The following DNAH10 variants were observed in gnomAD, a reference collection of about 807,000 sequenced individuals.
DNAH10 encodes the protein dynein axonemal heavy chain 10.
In DNAH10, 348 loss-of-function variants were observed where a neutral mutation model predicts 506.6. That is an observed-to-expected ratio of 0.69 (90% CI 0.63 to 0.75). The LOEUF is 0.75. Among genes scored for constraint, DNAH10 ranks in the 30% least tolerant of loss-of-function variants. The probability of loss-of-function intolerance (pLI) is 0.00; values close to 1 mark genes in which losing one functional copy is unlikely to be tolerated. For synonymous variants in DNAH10, 2,059 were observed against 2,198.6 expected (o/e 0.94, Z 1.78); for missense variants, 5,179 against 5,787.1 (o/e 0.89, Z 3.41).
In DNAH10 at chr12:123,890,450, A is replaced by C. The variant is rs185868578; in HGVS notation, c.8996-2783A>C. ...CACAACCAGCTGATTAAAAAAAAAAAAACACACTTTTTTTTTTAAGAGGTG... is the reference window on the plus strand; with the variant it reads ...CACAACCAGCTGATTAAAAAAAAAACAACACACTTTTTTTTTTAAGAGGTG... On this transcript the variant is annotated intron_variant, in intron 52 of 78. Transcript: ENST00000673944. Among the ~76,000 whole-genome samples the C allele has an allele frequency of 3.9e-3, 598 of 151,464 alleles. 2 individuals carry two copies. The highest frequency in any genetic ancestry group is 0.01 in the Middle Eastern group (3 of 288).
At chr12:123,874,829 G>A (rs974372647) in intron 46 of DNAH10, among the ~76,000 whole-genome samples, 1 of 151,774 alleles carries the variant, frequency 6.6e-6, no homozygotes, top group African/African-American at 2.4e-5. Context: ...CACACCCCCT[G>A]GGTGGCACTG....
chr12:123,927,009 G>A, intron 69 of DNAH10, 189 bp downstream of exon 69: 1 of 654,664 alleles, frequency 1.5e-6, no homozygotes, highest in South Asian at 2.1e-5. Flanking sequence ...ACCTCATGTT[G>A]TGATCATGGT....
chr12:123,765,792 T>G (rs1379504332), intron 1 of DNAH10, among the ~76,000 whole-genome samples: 1 of 151,514 alleles, frequency 6.6e-6, no homozygotes, highest in African/African-American at 2.4e-5. Context: ...TATCTCTGTC[T>G]ATACATCTAT....
chr12:123,890,782 C>G (rs1003820393), intron 52 of DNAH10, among the ~76,000 whole-genome samples: 2 of 152,066 alleles, frequency 1.3e-5, no homozygotes, highest in Admixed American at 6.6e-5. Flanking sequence ...GCAGAGCCAA[C>G]GGGACTTCGA....
At chr12:123,786,855 AGGCCGGGTGC>A (rs1957874940) in intron 9 of DNAH10, among the ~76,000 whole-genome samples, 1 of 152,124 alleles carries the variant, frequency 6.6e-6, no homozygotes, top group Non-Finnish European at 1.5e-5. Flanking sequence ...TATATAGATG[AGGCCGGGTGC>A]GGTGGCTCAC....
rs753550194 is a variant in DNAH10 at position 123,888,112 on chromosome 12, G to C, written c.8995+799G>C. 2.0e-5 allele frequency among the ~76,000 whole-genome samples: 3 copies of C among 152,202 alleles called. No homozygotes were observed. The East Asian group carries it at 5.8e-4, about 29-fold the overall frequency. On this transcript the variant is annotated intron_variant, in intron 52 of 78. Transcript: ENST00000673944. ...CTGTAGTTCCAGCTACTCAGGAGGG[G>C]CAGGAGGATTGCTTGAGCCTGGGAG... is the stretch of plus-strand genomic sequence containing the variant.
intron 52 of DNAH10, among the ~76,000 whole-genome samples, chr12:123,890,853 C>T (rs370787119): frequency 9.2e-5 from 14 of 152,138 alleles, no homozygotes; most frequent in Admixed American, 2.0e-4. Context: ...TCTGGTGGAG[C>T]GAGTGATCAG....
At chr12:123,824,155 C>A (rs1294878858) in intron 24 of DNAH10, among the ~76,000 whole-genome samples, 2 of 152,048 alleles carry the variant, frequency 1.3e-5, no homozygotes, top group African/African-American at 4.8e-5. Context: ...GATTCTGGAT[C>A]TGGTTTGCAG....
In DNAH10 at chr12:123,925,100, TAAC is replaced by T. The variant is rs748983243; in HGVS notation, c.11822_11824del (p.Asn3941del). On this transcript the variant is annotated inframe_deletion, in exon 68 of 79. Transcript: ENST00000673944. This position sits in a 1 kb window ranked among gnomAD's most constrained non-coding sequence, Gnocchi z 4.0. Reference sequence around the variant, plus strand: ...AGTTTCCCGTCCCCTTGGGTTACGATAACAACATCACCCCTTTCCAGAAGTTGC... The same window carrying T: ...AGTTTCCCGTCCCCTTGGGTTACGATAACATCACCCCTTTCCAGAAGTTGC... The T allele has an allele frequency of 9.9e-6, 16 of 1,614,048 alleles. No individual in the cohort carries two copies. Among genetic ancestry groups the T allele is most frequent in the Non-Finnish European group, 1.2e-5 (14 of 1,179,890 alleles).
intron 51 of DNAH10, among the ~76,000 whole-genome samples, chr12:123,884,761 AT>A (rs1952659025): frequency 6.6e-6 from 1 of 152,314 alleles, no homozygotes; most frequent in African/African-American, 2.4e-5. Flanking sequence ...CACTATTGTT[AT>A]GGACTCACTC....
At chr12:123,869,017 G>A (rs1594241890) in intron 43 of DNAH10, among the ~76,000 whole-genome samples, 1 of 152,146 alleles carries the variant, frequency 6.6e-6, no homozygotes, top group South Asian at 2.1e-4. Flanking sequence ...TCCCTCATTT[G>A]CCCTCATCTT....
At chr12:123,921,041 G>A (rs1343193263) in intron 65 of DNAH10, among the ~76,000 whole-genome samples, 1 of 152,076 alleles carries the variant, frequency 6.6e-6, no homozygotes, top group African/African-American at 2.4e-5. Context: ...CCAAAGTGCT[G>A]GGATTAGAAG....
chr12:123,806,464 G>T (rs1212319641), intron 18 of DNAH10, among the ~76,000 whole-genome samples: 1 of 152,156 alleles, frequency 6.6e-6, no homozygotes, highest in Non-Finnish European at 1.5e-5. Context: ...AATGGTGTCT[G>T]ATTAGTGTCT....
chr12:123,860,058 A>G (rs1176678942), intron 38 of DNAH10, among the ~76,000 whole-genome samples: 3 of 151,868 alleles, frequency 2.0e-5, no homozygotes, highest in Non-Finnish European at 2.9e-5. Context: ...AGAGTATGTC[A>G]TAAAAGCCTG....
rs1289455504 is a variant in DNAH10 at position 123,762,641 on chromosome 12, A to G, written c.214+91A>G. ...GCGCCGGGGCTGCTAGAGCCTGCCC[A>G]TCGTCCGGCCCCGGCCTCAGGTGCT... On this transcript the variant is annotated intron_variant, in intron 1 of 78. Coordinates refer to ENST00000673944, the MANE Select transcript of DNAH10 (RefSeq NM_001372106.1). The surrounding 1 kb of genome is among the most constrained non-coding windows in gnomAD (Gnocchi z 5.0). 7.4e-7 allele frequency: 1 copy of G among 1,357,678 alleles called. No individual in the cohort carries two copies. Among genetic ancestry groups the G allele is most frequent in the Non-Finnish European group, 9.9e-7 (1 of 1,013,320 alleles). The allele number at this position is 1,357,678 out of a possible 1,614,324, so 84.1% of individuals were successfully genotyped here. A position where few individuals can be genotyped will look rare whatever the true frequency, so the allele number is the denominator to read the frequency against.
At chr12:123,879,075 A>C (rs1952384265) in intron 48 of DNAH10, among the ~76,000 whole-genome samples, 189 bp from the exon 49 acceptor site, 1 of 152,138 alleles carries the variant, frequency 6.6e-6, no homozygotes, top group African/African-American at 2.4e-5. Context: ...TAGGGGGTTT[A>C]CATTACTTTC....
At chr12:123,788,101 A>G in intron 10 of DNAH10, 99 bp downstream of exon 10, 1 of 1,326,854 alleles carries the variant, frequency 7.5e-7, no homozygotes, top group Non-Finnish European at 1.1e-6. Flanking sequence ...GGCGTCAGAA[A>G]GGGCCTGGCA....
intron 37 of DNAH10, among the ~76,000 whole-genome samples, chr12:123,858,437 C>T (rs1951485934): frequency 1.3e-5 from 2 of 152,076 alleles, no homozygotes; most frequent in Admixed American, 1.3e-4. Flanking sequence ...TTTTCCTGAC[C>T]CTGATTTTCT....
chr12:123,830,806 G>T (rs1021070605), intron 26 of DNAH10, 107 bp downstream of exon 26: 5 of 1,149,936 alleles, frequency 4.3e-6, no homozygotes, highest in African/African-American at 3.2e-5. Flanking sequence ...TTAGCTGAGC[G>T]TGGTGGTATG....
Sources: gnomAD v4.1 joint callset for allele counts (sites outside exome capture counted in the v4.1 genomes callset) on GRCh38, gnomAD v4.1.1 for gene constraint, Gnocchi (gnomAD v3.1) non-coding constraint, MANE v1.5 for transcripts, NCBI Gene and HGNC (gene_info 2026-07-23, HGNC 2026-07-21) for gene names.